RNF152: variants seen among roughly 807,000 people sequenced by gnomAD.
RNF152 encodes E3 ubiquitin-protein ligase RNF152.
In RNF152, 11 loss-of-function variants were observed where a neutral mutation model predicts 12.7. The observed-to-expected ratio is 0.86, with a 90% CI of 0.54 to 1.43. RNF152 has a LOEUF of 1.43. Ranked by LOEUF, RNF152 falls within the 40% of genes most tolerant of loss-of-function variation. The pLI is 0.00. For synonymous variants in RNF152, 113 were observed against 120.3 expected (o/e 0.94, Z 0.40); for missense variants, 255 against 274.8 (o/e 0.93, Z 0.51).
At chr18:61,855,885 G>T (rs1243116784) in intron 1 of RNF152, among the ~76,000 whole-genome samples, 2 of 152,164 alleles carry the variant, frequency 1.3e-5, no homozygotes. Context: ...CGTGACAAAA[G>T]CCTCAAAAAT....
intron 1 of RNF152, among the ~76,000 whole-genome samples, chr18:61,867,681 G>A (rs1599311974): frequency 1.3e-5 from 2 of 152,102 alleles, no homozygotes; most frequent in South Asian, 2.1e-4. Context: ...TCTCCACATC[G>A]CCGGCCTCAC....
intron 1 of RNF152, among the ~76,000 whole-genome samples, chr18:61,839,852 G>A (rs1373476587): frequency 6.6e-6 from 1 of 152,192 alleles, no homozygotes; most frequent in African/African-American, 2.4e-5. Flanking sequence ...CCGAGATCGT[G>A]CCTGTGTGCT....
chr18:61,826,629 A>G (rs1180430173), intron 1 of RNF152, among the ~76,000 whole-genome samples: 1 of 152,218 alleles, frequency 6.6e-6, no homozygotes, highest in Admixed American at 6.5e-5. Context: ...AACCTAAGGA[A>G]GAACTTTCCC....
At chr18:61,880,889 T>G (rs2094301366) in intron 1 of RNF152, among the ~76,000 whole-genome samples, 1 of 151,574 alleles carries the variant, frequency 6.6e-6, no homozygotes, top group Non-Finnish European at 1.5e-5. Flanking sequence ...TCCCTCAAAC[T>G]GTTGTCTTTC....
intron 1 of RNF152, among the ~76,000 whole-genome samples, chr18:61,877,346 C>T (rs1216508765): frequency 6.6e-6 from 1 of 152,198 alleles, no homozygotes; most frequent in African/African-American, 2.4e-5. Context: ...TGGCATTCAG[C>T]TGGACTAAGC....
At chr18:61,818,469 G>T in intron 1 of RNF152, among the ~76,000 whole-genome samples, 1 of 151,744 alleles carries the variant, frequency 6.6e-6, no homozygotes, top group East Asian at 1.9e-4. Flanking sequence ...AAGCAAACCA[G>T]TTCAAAGACA....
At chr18:61,818,054 T>C (rs76930899) in intron 1 of RNF152, among the ~76,000 whole-genome samples, 3,504 of 152,296 alleles carry the variant, frequency 0.023, 135 homozygotes, top group African/African-American at 0.08. Flanking sequence ...TCCTTTCCAA[T>C]TTCCTTTGTG....
chr18:61,819,072 C>T (rs1242722149), intron 1 of RNF152, among the ~76,000 whole-genome samples: 6 of 152,176 alleles, frequency 3.9e-5, no homozygotes, highest in Non-Finnish European at 8.8e-5. Context: ...TAAGCGATTA[C>T]AGAATTATTT....
rs140254976 is a variant in RNF152, at chr18:61,844,720, G to A, written c.-135-28122C>T. ...AATAAGTGTAACCATAGCACGGGTC[G>A]GTAGGTCATATGTGCTTAAAACCTG... is the stretch of plus-strand genomic sequence containing the variant. On this transcript the variant is annotated intron_variant, in intron 1 of 1. Coordinates refer to ENST00000312828, the MANE Select transcript of RNF152 (RefSeq NM_173557.3). 2.3e-4 allele frequency among the ~76,000 whole-genome samples: 35 copies of A among 152,210 alleles called. 1 individual carries two copies. The highest frequency in any genetic ancestry group is 1.6e-3 in the Admixed American group (24 of 15,298).
chr18:61,820,901 T>C (rs762375021), intron 1 of RNF152, among the ~76,000 whole-genome samples: 23 of 152,250 alleles, frequency 1.5e-4, no homozygotes, highest in Admixed American at 4.6e-4. Flanking sequence ...TCATTTACCT[T>C]CTCTGAGCCT....
At chr18:61,840,427 G>A (rs1271465123) in intron 1 of RNF152, among the ~76,000 whole-genome samples, 1 of 152,184 alleles carries the variant, frequency 6.6e-6, no homozygotes, top group Non-Finnish European at 1.5e-5. Flanking sequence ...CCAAGGGGCT[G>A]TGGCACAGGG....
At chr18:61,831,780 TC>T (rs145596431) in intron 1 of RNF152, among the ~76,000 whole-genome samples, 52,427 of 151,988 alleles carry the variant, frequency 0.34, 9,694 homozygotes, top group Non-Finnish European at 0.42. Context: ...GTTAATTACT[TC>T]TATTTTAAAA....
At chr18:61,851,012 G>A (rs1424475216) in intron 1 of RNF152, among the ~76,000 whole-genome samples, 1 of 151,166 alleles carries the variant, frequency 6.6e-6, no homozygotes, top group African/African-American at 2.4e-5. Context: ...ACTCCCCAGG[G>A]TACATACCAC....
intron 1 of RNF152, among the ~76,000 whole-genome samples, chr18:61,824,449 C>T (rs994347072): frequency 2.6e-5 from 4 of 152,190 alleles, no homozygotes; most frequent in Admixed American, 2.6e-4. Flanking sequence ...AGATCATTTA[C>T]AAATATTATC....
intron 1 of RNF152, among the ~76,000 whole-genome samples, chr18:61,818,781 T>A (rs925948977): frequency 6.6e-6 from 1 of 152,250 alleles, no homozygotes; most frequent in African/African-American, 2.4e-5. Flanking sequence ...TTCATTCATT[T>A]ATTCATTCAA....
chr18:61,841,733 C>G (rs76151298), intron 1 of RNF152, among the ~76,000 whole-genome samples: 7,304 of 152,294 alleles, frequency 0.048, 237 homozygotes, highest in Non-Finnish European at 0.067. Context: ...CTCCATGAAA[C>G]CGCAAGTGAA....
intron 1 of RNF152, among the ~76,000 whole-genome samples, chr18:61,863,403 C>A (rs576066652): frequency 6.7e-6 from 1 of 148,154 alleles, no homozygotes; most frequent in African/African-American, 2.5e-5. Flanking sequence ...CCACCGCACT[C>A]CAGCCTGGCA....
intron 1 of RNF152, among the ~76,000 whole-genome samples, chr18:61,885,058 G>A (rs536127090): frequency 8.5e-5 from 13 of 152,270 alleles, no homozygotes; most frequent in African/African-American, 2.2e-4. Flanking sequence ...TACCTGCATG[G>A]TTGAATTAAC....
At chr18:61,870,242 A>G (rs1006576131) in intron 1 of RNF152, among the ~76,000 whole-genome samples, 4 of 152,134 alleles carry the variant, frequency 2.6e-5, no homozygotes, top group African/African-American at 7.2e-5. Context: ...GGTCAAATCC[A>G]ATTGCAGCTG....
Sources: gnomAD v4.1 joint callset for allele counts (sites outside exome capture counted in the v4.1 genomes callset) on GRCh38, gnomAD v4.1.1 for gene constraint, MANE v1.5 for transcripts, NCBI Gene and HGNC (gene_info 2026-07-23, HGNC 2026-07-21) for gene names.